Variants in LSAMP observed in about 807,000 individuals in gnomAD.
LSAMP encodes the protein limbic system associated membrane protein.
A neutral mutation model predicts 38.6 loss-of-function variants in LSAMP; 7 were observed. The ratio of observed to expected loss-of-function variants is 0.18; its 90% CI spans 0.10 to 0.34. The LOEUF is 0.34. Among genes scored for constraint, LSAMP ranks in the 10% least tolerant of loss-of-function variants. LSAMP has a pLI of 1.00. For synonymous variants in LSAMP, 154 were observed against 166.8 expected (o/e 0.92, Z 0.59); for missense variants, 313 against 420.0 (o/e 0.75, Z 2.23).
intron 1 of LSAMP, among the ~76,000 whole-genome samples, chr3:116,099,770 A>G (rs139670474): frequency 1.4e-4 from 22 of 152,204 alleles, no homozygotes; most frequent in African/African-American, 4.8e-4. Context: ...CTCAATTTCC[A>G]TAATTGTCTC....
chr3:116,007,441 C>G (rs770552969), intron 3 of LSAMP, among the ~76,000 whole-genome samples: 1 of 152,072 alleles, frequency 6.6e-6, no homozygotes, highest in Non-Finnish European at 1.5e-5. Flanking sequence ...CCTCAGTGTA[C>G]TGGGAGACTT....
chr3:116,016,066 C>A (rs951736435), intron 3 of LSAMP, among the ~76,000 whole-genome samples: 1 of 151,886 alleles, frequency 6.6e-6, no homozygotes, highest in African/African-American at 2.4e-5. Context: ...TTTGCTGTCA[C>A]ACAGGGAGCA....
chr3:116,004,102 T>C (rs188661835), intron 3 of LSAMP, among the ~76,000 whole-genome samples: 51 of 152,306 alleles, frequency 3.3e-4, no homozygotes, highest in Middle Eastern at 3.4e-3. Flanking sequence ...TTCCTACTGA[T>C]GCAAACTGAG....
intron 3 of LSAMP, among the ~76,000 whole-genome samples, chr3:115,996,615 A>G (rs946647282): frequency 2.0e-5 from 3 of 152,126 alleles, no homozygotes; most frequent in Admixed American, 6.6e-5. Flanking sequence ...TTAGTTGACT[A>G]TGATCTCACA....
intron 1 of LSAMP, among the ~76,000 whole-genome samples, chr3:116,281,258 A>G (rs1465949905): frequency 6.6e-6 from 1 of 152,172 alleles, no homozygotes; most frequent in African/African-American, 2.4e-5. Context: ...AGGGGAGGAT[A>G]AGTTATATCT....
chr3:115,996,252 A>G (rs1939811884), intron 3 of LSAMP, among the ~76,000 whole-genome samples: 1 of 152,134 alleles, frequency 6.6e-6, no homozygotes, highest in Non-Finnish European at 1.5e-5. Context: ...ATAGAATAGC[A>G]GTAATAATAA....
intron 6 of LSAMP, among the ~76,000 whole-genome samples, chr3:115,823,387 C>G (rs779637467): frequency 6.6e-6 from 1 of 152,224 alleles, no homozygotes; most frequent in Non-Finnish European, 1.5e-5. Flanking sequence ...TGCCCAGCTT[C>G]TGAGAGCATG....
intron 1 of LSAMP, among the ~76,000 whole-genome samples, chr3:116,214,825 T>C (rs926020107): frequency 6.6e-6 from 1 of 152,006 alleles, no homozygotes. Context: ...TTAAAACATA[T>C]GAAGGAGCCA....
At chr3:115,974,643 G>A (rs1408863261) in intron 3 of LSAMP, among the ~76,000 whole-genome samples, 1 of 152,210 alleles carries the variant, frequency 6.6e-6, no homozygotes, top group Non-Finnish European at 1.5e-5. Flanking sequence ...TTCACATAGA[G>A]TAAGGTGAAT....
intron 3 of LSAMP, among the ~76,000 whole-genome samples, chr3:115,990,205 T>G (rs1489701701): frequency 6.6e-6 from 1 of 152,060 alleles, no homozygotes; most frequent in Non-Finnish European, 1.5e-5. Flanking sequence ...TCCCTGCACT[T>G]GAGTCTTATT....
chr3:116,388,018 G>A (rs2048646806), intron 1 of LSAMP, among the ~76,000 whole-genome samples: 2 of 152,088 alleles, frequency 1.3e-5, no homozygotes, highest in African/African-American at 2.4e-5. Flanking sequence ...GCAGGAGAAT[G>A]GTGTGAACCT....
At chr3:116,036,269 G>A (rs1437243320) in intron 2 of LSAMP, among the ~76,000 whole-genome samples, 6 of 152,048 alleles carry the variant, frequency 3.9e-5, no homozygotes, top group Non-Finnish European at 5.9e-5. Context: ...ACCACTGAAT[G>A]GAAACTCTTT....
In LSAMP at chr3:116,431,897, T is replaced by G. The variant is rs142222263; in HGVS notation, c.155+12980A>C. 6.8e-3 allele frequency among the ~76,000 whole-genome samples: 1,028 copies of G among 152,156 alleles called. 13 individuals are homozygous for G. The highest frequency in any genetic ancestry group is 0.023 in the African/African-American group (956 of 41,562). ...TAAATTATATTTTTAAAAAATACAG[T>G]TATTTTTCCTTCAGCTAAGGCAGCA... is the stretch of plus-strand genomic sequence containing the variant. On this transcript the variant is annotated intron_variant, in intron 1 of 6. Transcript: ENST00000490035.
At chr3:115,934,785 G>A (rs1436073677) in intron 3 of LSAMP, among the ~76,000 whole-genome samples, 1 of 152,020 alleles carries the variant, frequency 6.6e-6, no homozygotes, top group Non-Finnish European at 1.5e-5. Flanking sequence ...GACTTTTCTG[G>A]GCCTCTGTGT....
At chr3:116,276,186 A>G (rs1005990133) in intron 1 of LSAMP, among the ~76,000 whole-genome samples, 6 of 152,120 alleles carry the variant, frequency 3.9e-5, no homozygotes, top group African/African-American at 1.5e-4. Context: ...AGAGAGAATG[A>G]CCTTTAAGTA....
intron 3 of LSAMP, among the ~76,000 whole-genome samples, chr3:115,870,094 A>G (rs1420772033): frequency 6.6e-6 from 1 of 152,154 alleles, no homozygotes; most frequent in African/African-American, 2.4e-5. Context: ...GTATTTATAA[A>G]TAAAGTTTTA....
intron 6 of LSAMP, among the ~76,000 whole-genome samples, chr3:115,829,215 A>G (rs1033800906): frequency 8.5e-5 from 13 of 152,158 alleles, no homozygotes; most frequent in Non-Finnish European, 2.9e-5. Context: ...GGGAGATAAG[A>G]CACAGAAATG....
intron 1 of LSAMP, among the ~76,000 whole-genome samples, chr3:116,435,487 C>T (rs1576223548): frequency 6.6e-6 from 1 of 151,980 alleles, no homozygotes; most frequent in East Asian, 1.9e-4. Flanking sequence ...TTGATAAGAC[C>T]TTGTTGGATA....
intron 3 of LSAMP, among the ~76,000 whole-genome samples, chr3:115,927,767 C>A (rs1314193629): frequency 2.0e-5 from 3 of 152,106 alleles, no homozygotes; most frequent in South Asian, 4.1e-4. Context: ...GGCCGCCTGG[C>A]CCCTTCGTCC....
Sources: allele counts gnomAD v4.1 joint callset (sites outside exome capture counted in the v4.1 genomes callset), GRCh38; gene constraint gnomAD v4.1.1; transcripts MANE v1.5; gene names NCBI Gene and HGNC (gene_info 2026-07-23, HGNC 2026-07-21).